Variants in RNF185 observed in about 807,000 individuals in gnomAD.
RNF185 encodes E3 ubiquitin-protein ligase RNF185.
RNF185 carries 13 observed loss-of-function variants against 24.9 expected under a neutral mutation model. That is an observed-to-expected ratio of 0.52 (90% confidence interval 0.34 to 0.83). The LOEUF is 0.83. Among genes scored for constraint, RNF185 ranks in the 40% least tolerant of loss-of-function variants. The pLI, the probability that RNF185 is intolerant of heterozygous loss-of-function variation, is 0.01. For synonymous variants in RNF185, 79 were observed against 90.3 expected (o/e 0.88, Z 0.71); for missense variants, 184 against 244.7 (o/e 0.75, Z 1.65).
rs945654684 is a variant in RNF185, at chr22:31,195,521, T to C, written c.248T>C (p.Ile83Thr). ...GTGTGTCCTGTTTGCAAAGCTGGCATCAGCCGAGACAAGGTCATCCCCCTC... is the reference window on the plus strand; with the variant it reads ...GTGTGTCCTGTTTGCAAAGCTGGCACCAGCCGAGACAAGGTCATCCCCCTC... ...RQVCPVCKAG[I>T]SRDKVIPLYG... is the part of the protein sequence containing the mutation. The change falls in exon 4 of 7, where the codon ATC becomes ACC. Residue 83 changes from isoleucine (I) to threonine (T), a missense_variant. Ile to Thr is a moderately conservative substitution (Grantham distance 89, BLOSUM62 -1). Coordinates refer to ENST00000326132, the MANE Select transcript of RNF185 (RefSeq NM_152267.4). 3.1e-6 allele frequency: 5 copies of C among 1,611,814 alleles called. No individual in the cohort carries two copies. The highest frequency in any genetic ancestry group is 4.2e-6 in the Non-Finnish European group (5 of 1,179,036).
intron 5 of RNF185, among the ~76,000 whole-genome samples, chr22:31,198,703 T>A (rs565159254): frequency 7.1e-6 from 1 of 140,654 alleles, no homozygotes; most frequent in Non-Finnish European, 1.5e-5. Context: ...ACTGCCACTT[T>A]CTTTTTTTTT....
intron 5 of RNF185, among the ~76,000 whole-genome samples, chr22:31,198,085 A>C (rs1034497992): frequency 1.4e-4 from 21 of 152,214 alleles, no homozygotes; most frequent in Non-Finnish European, 1.2e-4. Flanking sequence ...CAGAACAAGT[A>C]TATTCTCATA....
At chr22:31,198,351 C>T (rs1475192807) in intron 5 of RNF185, among the ~76,000 whole-genome samples, 2 of 149,874 alleles carry the variant, frequency 1.3e-5, no homozygotes, top group Non-Finnish European at 3.0e-5. Context: ...GTTGTTTCCC[C>T]ATTTTGCTGT....
intron 1 of RNF185, among the ~76,000 whole-genome samples, chr22:31,180,650 C>T (rs1008888829): frequency 1.3e-5 from 2 of 151,874 alleles, no homozygotes; most frequent in African/African-American, 4.8e-5. Context: ...CTTGGCCTCC[C>T]AAAGTACTAG....
intron 3 of RNF185, among the ~76,000 whole-genome samples, chr22:31,194,252 A>AT (rs908506649): frequency 2.9e-4 from 44 of 151,986 alleles, no homozygotes; most frequent in African/African-American, 1.0e-3. Context: ...CCAAAACGGG[A>AT]TTTTTTTTAT....
At position 31,171,156 on chromosome 22, in the gene RNF185, C is replaced by CTTACTTATTTATTTATTTATTTAT. The variant is rs149267234; in HGVS notation, c.-49+10856_-49+10857insCTTATTTATTTATTTATTTATTTA. ...AGGAACCAGGACCTTCTCTGATTTACTTATTTATTTATTTATTTATTTATT... is the reference window on the plus strand; with the variant it reads ...AGGAACCAGGACCTTCTCTGATTTACTTACTTATTTATTTATTTATTTATTTATTTATTTATTTATTTATTTATT... On this transcript the variant is annotated intron_variant, in intron 1 of 6. Coordinates refer to ENST00000326132, the MANE Select transcript of RNF185 (RefSeq NM_152267.4). Among the ~76,000 whole-genome samples the CTTACTTATTTATTTATTTATTTAT allele has an allele frequency of 7.1e-4, 101 of 143,234 alleles. 1 individual carries two copies. The highest frequency in any genetic ancestry group is 2.8e-3 in the East Asian group (14 of 4,946). 94.0% of individuals were successfully genotyped at this position (143,234 alleles called of 152,430 possible). A position where few individuals can be genotyped will look rare whatever the true frequency, so the allele number is the denominator to read the frequency against.
intron 5 of RNF185, among the ~76,000 whole-genome samples, chr22:31,198,798 GAAATT>G (rs2048234229): frequency 7.9e-6 from 1 of 126,312 alleles, no homozygotes; most frequent in Non-Finnish European, 1.6e-5. Flanking sequence ...GATCTTGAAA[GAAATT>G]AAGGTTCTCG....
intron 1 of RNF185, among the ~76,000 whole-genome samples, chr22:31,181,577 C>G (rs1359179854): frequency 3.3e-5 from 5 of 152,064 alleles, no homozygotes; most frequent in African/African-American, 1.2e-4. Flanking sequence ...CGGGACTACT[C>G]ACAATAGTAA....
At chr22:31,200,626 A>G (rs2048252279) in intron 5 of RNF185, among the ~76,000 whole-genome samples, 1 of 152,248 alleles carries the variant, frequency 6.6e-6, no homozygotes, top group Non-Finnish European at 1.5e-5. Flanking sequence ...GTGAAAGATG[A>G]TGCAGTGTAG....
At chr22:31,161,073 A>C (rs1265038454) in intron 1 of RNF185, among the ~76,000 whole-genome samples, 2 of 152,222 alleles carry the variant, frequency 1.3e-5, no homozygotes, top group East Asian at 3.8e-4. Flanking sequence ...TTAACTTTTT[A>C]AAAATTGAAA....
At chr22:31,182,532 T>C (rs1414592593) in intron 1 of RNF185, among the ~76,000 whole-genome samples, 1 of 152,168 alleles carries the variant, frequency 6.6e-6, no homozygotes, top group East Asian at 1.9e-4. Flanking sequence ...CCTCCTGAGC[T>C]CAAGCGATCC....
chr22:31,170,331 T>A (rs935645212), intron 1 of RNF185, among the ~76,000 whole-genome samples: 1 of 151,762 alleles, frequency 6.6e-6, no homozygotes, highest in Non-Finnish European at 1.5e-5. Context: ...TGGGACTACA[T>A]TTGCCTGCCA....
chr22:31,200,848 A>G (rs1020300384), intron 5 of RNF185, among the ~76,000 whole-genome samples: 7 of 152,254 alleles, frequency 4.6e-5, no homozygotes, highest in Non-Finnish European at 7.3e-5. Context: ...TAAAAATTCT[A>G]TGTAACAGTA....
chr22:31,182,488 T>G (rs1238725630), intron 1 of RNF185, among the ~76,000 whole-genome samples: 1 of 152,004 alleles, frequency 6.6e-6, no homozygotes, highest in Non-Finnish European at 1.5e-5. Context: ...TTGGTAGAGA[T>G]AGGGTTTCAC....
chr22:31,173,403 T>TCACACACACACACACACACA (rs1239424812), intron 1 of RNF185, among the ~76,000 whole-genome samples: 2 of 49,980 alleles, frequency 4.0e-5, no homozygotes, highest in African/African-American at 1.8e-4. Flanking sequence ...GTCAACTCAT[T>TCACACACACACACACACACA]CACACACACA....
At chr22:31,176,493 T>C (rs1428422566) in intron 1 of RNF185, among the ~76,000 whole-genome samples, 1 of 105,134 alleles carries the variant, frequency 9.5e-6, no homozygotes, top group Non-Finnish European at 2.0e-5. Context: ...TTCTTTTTCT[T>C]TTTTTTTTTT....
chr22:31,177,839 G>A (rs1289585451), intron 1 of RNF185, among the ~76,000 whole-genome samples: 1 of 152,216 alleles, frequency 6.6e-6, no homozygotes, highest in East Asian at 1.9e-4. Context: ...AAAGGCAGAT[G>A]ATGAATTCCT....
At chr22:31,188,479 C>G (rs1336526995) in intron 2 of RNF185, among the ~76,000 whole-genome samples, 2 of 152,150 alleles carry the variant, frequency 1.3e-5, no homozygotes, top group Admixed American at 6.5e-5. Context: ...ACAGGATACC[C>G]CTGATTTGAT....
chr22:31,181,414 A>G (rs1023455118), intron 1 of RNF185, among the ~76,000 whole-genome samples: 1 of 152,158 alleles, frequency 6.6e-6, no homozygotes, highest in Non-Finnish European at 1.5e-5. Context: ...GTGAACCTCC[A>G]TTCATCACCC....
Sources: gnomAD v4.1 joint callset for allele counts (sites outside exome capture counted in the v4.1 genomes callset) on GRCh38, gnomAD v4.1.1 for gene constraint, MANE v1.5 for transcripts, NCBI Gene and HGNC (gene_info 2026-07-23, HGNC 2026-07-21) for gene names.